Variants in NLK observed in about 807,000 individuals in gnomAD.
NLK encodes the protein serine/threonine-protein kinase NLK.
In NLK, 11 loss-of-function variants were observed where a neutral mutation model predicts 59.0. The ratio of observed to expected loss-of-function variants is 0.19; its 90% CI spans 0.12 to 0.31. The LOEUF (loss-of-function observed/expected upper bound fraction) is 0.31, where lower values mean the gene tolerates loss of function less well. NLK is among the 10% of genes least tolerant of loss of function. The pLI is 1.00. For missense variants in NLK, 410 were observed against 661.1 expected (o/e 0.62, Z 4.16); for synonymous variants, 235 against 235.9 (o/e 1.00, Z 0.03).
intron 1 of NLK, among the ~76,000 whole-genome samples, chr17:28,119,509 A>G (rs996533619): frequency 6.6e-6 from 1 of 152,214 alleles, no homozygotes; most frequent in Non-Finnish European, 1.5e-5. Context: ...GTTAGGAAGA[A>G]GTATTGTATG....
rs1567697291 is a variant in NLK, at chr17:28,043,085, C to T, written c.212C>T (p.Ala71Val). The change falls in exon 1 of 11, where the codon GCA becomes GTA. Residue 71 changes from alanine (A) to valine (V), a missense_variant. Transcript: ENST00000407008. ...CCTGTACAGCAGCACACCTCTTCGG[C>T]AGCTGCGGCAGCCGCAGCAGCGGCT... is the stretch of plus-strand genomic sequence containing the variant. ...VHPVQQHTSS[A>V]AAAAAAAAAA... is the part of the protein sequence containing the mutation. 1.3e-6 allele frequency: 2 copies of T among 1,574,580 alleles called. No homozygotes were observed. Among genetic ancestry groups the T allele is most frequent in the Admixed American group, 1.9e-5 (1 of 52,342 alleles).
intron 1 of NLK, chr17:28,048,129 AACTT>A: frequency 2.5e-6 from 1 of 392,578 alleles, no homozygotes; most frequent in Non-Finnish European, 4.5e-6. Flanking sequence ...ACTACAAACG[AACTT>A]ACTTTTGGAA....
chr17:28,122,459 C>G, intron 1 of NLK, 144 bp from the exon 2 acceptor site: 1 of 771,880 alleles, frequency 1.3e-6, no homozygotes, highest in Non-Finnish European at 2.0e-6. Flanking sequence ...ATCTTTCTCA[C>G]TGACACCTTA....
At chr17:28,180,203 T>A (rs1459096033) in intron 7 of NLK, among the ~76,000 whole-genome samples, 8 of 152,196 alleles carry the variant, frequency 5.3e-5, no homozygotes, top group Non-Finnish European at 1.0e-4. Context: ...TGTTGAGGTG[T>A]CCTTCTATAA....
chr17:28,126,118 A>C (rs1366700073), intron 2 of NLK, among the ~76,000 whole-genome samples: 1 of 152,220 alleles, frequency 6.6e-6, no homozygotes, highest in Non-Finnish European at 1.5e-5. Context: ...AGTTGAAATA[A>C]TTTTCAAAAT....
intron 6 of NLK, among the ~76,000 whole-genome samples, chr17:28,169,321 T>G (rs1177016215): frequency 6.6e-6 from 1 of 152,260 alleles, no homozygotes; most frequent in East Asian, 1.9e-4. Flanking sequence ...TATTGGTGAC[T>G]TAATGTACTT....
chr17:28,194,534 G>A, intron 10 of NLK, 48 bp from the exon 11 acceptor site: 1 of 1,396,168 alleles, frequency 7.2e-7, no homozygotes, highest in Non-Finnish European at 1.0e-6. Flanking sequence ...TTACCCTTTT[G>A]TCCATTGTGA....
chr17:28,060,742 T>G (rs941548234), intron 1 of NLK, among the ~76,000 whole-genome samples: 1 of 151,824 alleles, frequency 6.6e-6, no homozygotes, highest in African/African-American at 2.4e-5. Context: ...CTGCTAGATA[T>G]TTTAAAGTAA....
intron 1 of NLK, among the ~76,000 whole-genome samples, chr17:28,056,962 T>C (rs1909464170): frequency 6.7e-6 from 1 of 148,704 alleles, no homozygotes; most frequent in Non-Finnish European, 1.5e-5. Flanking sequence ...TTTTTTTTTT[T>C]TTTTTTTTTG....
chr17:28,188,627 GCCA>G (rs1356686523), intron 8 of NLK, among the ~76,000 whole-genome samples: 1 of 152,026 alleles, frequency 6.6e-6, no homozygotes, highest in Non-Finnish European at 1.5e-5. Flanking sequence ...ACAGATGTGC[GCCA>G]CCACACCCAG....
intron 1 of NLK, among the ~76,000 whole-genome samples, chr17:28,119,712 TAC>T (rs2142815175): frequency 6.6e-6 from 1 of 152,300 alleles, no homozygotes; most frequent in South Asian, 2.1e-4. Context: ...ATAGGATATT[TAC>T]ACAGTTACAA....
At chr17:28,140,747 T>C (rs558259260) in intron 3 of NLK, among the ~76,000 whole-genome samples, 15 of 151,180 alleles carry the variant, frequency 9.9e-5, no homozygotes, top group African/African-American at 3.4e-4. Context: ...AATTGTCTTA[T>C]GGATAAAAAA....
intron 2 of NLK, among the ~76,000 whole-genome samples, chr17:28,124,387 G>A (rs1906204387): frequency 6.6e-6 from 1 of 152,016 alleles, no homozygotes; most frequent in Non-Finnish European, 1.5e-5. Flanking sequence ...AATTAGCTGG[G>A]TGTGGTGGCA....
At chr17:28,168,335 CAAA>C (rs371518289) in intron 5 of NLK, 110 bp from the exon 6 acceptor site, 778 of 592,406 alleles carry the variant, frequency 1.3e-3, no homozygotes, top group Middle Eastern at 1.7e-3. Flanking sequence ...GACTCCATCT[CAAA>C]AAAAAAAAAA....
At chr17:28,148,091 G>A (rs1907330795) in intron 3 of NLK, among the ~76,000 whole-genome samples, 1 of 152,062 alleles carries the variant, frequency 6.6e-6, no homozygotes, top group Non-Finnish European at 1.5e-5. Context: ...AGTAGAAATT[G>A]TTAATTTTTA....
chr17:28,157,849 C>G (rs75557749), intron 3 of NLK, among the ~76,000 whole-genome samples: 7,607 of 152,156 alleles, frequency 0.05, 626 homozygotes, highest in African/African-American at 0.17. Context: ...ATGAGATTAT[C>G]TATTTAAAAT....
In NLK at chr17:28,052,104, G is replaced by A. The variant is rs138197423; in HGVS notation, c.458+8773G>A. 6.5e-3 allele frequency among the ~76,000 whole-genome samples: 995 copies of A among 152,150 alleles called. 17 individuals are homozygous for A. The highest frequency in any genetic ancestry group is 0.022 in the African/African-American group (927 of 41,516). ...TTCAGCTGTGGAGAAGAGCAGGCCT[G>A]TTTGCAAATGAGCAATTTCTTCTAC... On this transcript the variant is annotated intron_variant, in intron 1 of 10. Coordinates refer to ENST00000407008, the MANE Select transcript of NLK (RefSeq NM_016231.5).
chr17:28,151,875 G>A (rs1315835193), intron 3 of NLK, among the ~76,000 whole-genome samples: 3 of 152,234 alleles, frequency 2.0e-5, no homozygotes, highest in Non-Finnish European at 4.4e-5. Flanking sequence ...GTGCTTAGGA[G>A]AGGGAATGCC....
chr17:28,119,446 A>T (rs1905923607), intron 1 of NLK, among the ~76,000 whole-genome samples: 1 of 152,166 alleles, frequency 6.6e-6, no homozygotes, highest in South Asian at 2.1e-4. Flanking sequence ...TATCTCCTTT[A>T]TTATGGTGGC....
Sources: allele counts gnomAD v4.1 joint callset (sites outside exome capture counted in the v4.1 genomes callset), GRCh38; gene constraint gnomAD v4.1.1; transcripts MANE v1.5; gene names NCBI Gene and HGNC (gene_info 2026-07-23, HGNC 2026-07-21).